The following DLGAP1 variants were observed in gnomAD, a reference collection of about 807,000 sequenced individuals.
The protein encoded by DLGAP1 is disks large-associated protein 1.
In DLGAP1, 11 loss-of-function variants were observed where a neutral mutation model predicts 90.8. The ratio of observed to expected loss-of-function variants is 0.12; its 90% CI spans 0.08 to 0.20. The LOEUF is 0.20. Ranked by LOEUF, DLGAP1 falls within the 10% of genes least tolerant of loss-of-function variation. DLGAP1 has a pLI of 1.00. For missense variants in DLGAP1, 1,050 were observed against 1,333.8 expected, an observed-to-expected ratio of 0.79 and a Z score of 3.31; for synonymous variants, 558 against 540.7, an observed-to-expected ratio of 1.03 and a Z score of -0.44.
chr18:3,684,270 G>C (rs2060623735), intron 7 of DLGAP1, among the ~76,000 whole-genome samples: 2 of 151,458 alleles, frequency 1.3e-5, no homozygotes, highest in Non-Finnish European at 2.9e-5. Context: ...GCTCACTGCA[G>C]CCTCATCCTC....
At chr18:3,596,695 T>C in intron 7 of DLGAP1, 1 of 408,186 alleles carries the variant, frequency 2.4e-6, no homozygotes, top group Non-Finnish European at 4.8e-6. Context: ...TGATAAATGC[T>C]TGTTACATGA....
chr18:3,745,355 T>C (rs1349500374), intron 5 of DLGAP1, among the ~76,000 whole-genome samples: 1 of 152,264 alleles, frequency 6.6e-6, no homozygotes, highest in African/African-American at 2.4e-5. Flanking sequence ...ATGTGTATTA[T>C]ATTTCCACAA....
chr18:4,386,275 T>A (rs1377404482), intron 1 of DLGAP1, among the ~76,000 whole-genome samples: 1 of 152,176 alleles, frequency 6.6e-6, no homozygotes, highest in Non-Finnish European at 1.5e-5. Flanking sequence ...GAAGGCTAGA[T>A]CCTGTAATTT....
chr18:4,178,158 TCTTC>T lies in DLGAP1; in HGVS notation c.-266-26875_-266-26872del, dbSNP rs750556094. 5.3e-4 allele frequency among the ~76,000 whole-genome samples: 80 copies of T among 151,610 alleles called. 3 individuals are homozygous for T. Among genetic ancestry groups the T allele is most frequent in the Non-Finnish European group, 9.7e-4 (66 of 67,964 alleles). On this transcript the variant is annotated intron_variant, in intron 1 of 12. Coordinates refer to ENST00000315677, the MANE Select transcript of DLGAP1 (RefSeq NM_004746.4). ...TATCCCACTATAGGGTCTTACTCTC[TCTTC>T]CTTATCTCTACCTGTAGAAATCCTA...
chr18:4,065,106 C>T (rs911906666), intron 2 of DLGAP1, among the ~76,000 whole-genome samples: 66 of 151,976 alleles, frequency 4.3e-4, no homozygotes, highest in African/African-American at 1.5e-3. Flanking sequence ...GATGCAGAAA[C>T]GTCTTTTGAT....
chr18:3,541,987 G>A (rs1027801040), intron 9 of DLGAP1, among the ~76,000 whole-genome samples: 10 of 152,022 alleles, frequency 6.6e-5, no homozygotes, highest in Admixed American at 3.9e-4. Flanking sequence ...ATATGTCACC[G>A]GGGCTTTCCT....
intron 1 of DLGAP1, among the ~76,000 whole-genome samples, chr18:4,160,741 C>G (rs767853555): frequency 2.0e-5 from 3 of 152,122 alleles, no homozygotes; most frequent in Non-Finnish European, 2.9e-5. Context: ...GTCAAATGTG[C>G]AGATTTATTT....
intron 1 of DLGAP1, among the ~76,000 whole-genome samples, chr18:4,287,342 A>G (rs970984912): frequency 6.6e-5 from 10 of 152,178 alleles, no homozygotes. Flanking sequence ...TGACCCAGCA[A>G]TCCCATTACT....
At chr18:3,873,410 G>A (rs1472805136) in intron 4 of DLGAP1, among the ~76,000 whole-genome samples, 1 of 152,076 alleles carries the variant, frequency 6.6e-6, no homozygotes, top group Non-Finnish European at 1.5e-5. Flanking sequence ...GGATTATTAG[G>A]GCAATTTAAA....
intron 2 of DLGAP1, 119 bp from the exon 3 acceptor site, chr18:4,005,320 A>G (rs2074278892): frequency 6.6e-6 from 1 of 152,136 alleles, no homozygotes; most frequent in African/African-American, 2.4e-5. Context: ...TGCACATTAG[A>G]CAGACTTCTC....
At chr18:4,099,636 T>A (rs1035054416) in intron 2 of DLGAP1, among the ~76,000 whole-genome samples, 1 of 152,142 alleles carries the variant, frequency 6.6e-6, no homozygotes, top group African/African-American at 2.4e-5. Flanking sequence ...TGTTGGTGGC[T>A]GCTGATGATC....
Position 4,271,417 on chromosome 18 carries a change from A to T in DLGAP1, c.-266-120130T>A, listed in dbSNP as rs1598776324. On this transcript the variant is annotated intron_variant, in intron 1 of 12. Transcript: ENST00000315677. ...TAAGGCAATCTTAGAGAAACATATCATTTGCCTGGTATCCTTTGGGAATGA... is the reference window on the plus strand; with the variant it reads ...TAAGGCAATCTTAGAGAAACATATCTTTTGCCTGGTATCCTTTGGGAATGA... Among the ~76,000 whole-genome samples, 5 of 152,334 alleles carry T rather than the reference A, an allele frequency of 3.3e-5. No homozygotes were observed. The East Asian group carries it at 9.6e-4, about 29-fold the overall frequency.
chr18:3,530,480 G>A (rs879050129), intron 10 of DLGAP1, among the ~76,000 whole-genome samples: 26 of 152,160 alleles, frequency 1.7e-4, no homozygotes, highest in Admixed American at 1.6e-3. Flanking sequence ...CAATCAGGAA[G>A]CTAGAAGGAG....
chr18:3,695,115 T>G (rs1426320145), intron 7 of DLGAP1, among the ~76,000 whole-genome samples: 1 of 151,836 alleles, frequency 6.6e-6, no homozygotes, highest in South Asian at 2.1e-4. Context: ...AATTTTTTTC[T>G]GTATTTTTTT....
At chr18:3,645,253 TG>T (rs2059078339) in intron 7 of DLGAP1, among the ~76,000 whole-genome samples, 1 of 152,134 alleles carries the variant, frequency 6.6e-6, no homozygotes, top group Non-Finnish European at 1.5e-5. Flanking sequence ...CCACCACACC[TG>T]GCTAATTTTT....
At chr18:3,839,604 C>T (rs1374383995) in intron 4 of DLGAP1, among the ~76,000 whole-genome samples, 1 of 152,192 alleles carries the variant, frequency 6.6e-6, no homozygotes, top group African/African-American at 2.4e-5. Context: ...GCAAGCTTCA[C>T]TTCGGACCTA....
intron 1 of DLGAP1, among the ~76,000 whole-genome samples, chr18:4,313,750 T>C (rs1195487377): frequency 6.6e-6 from 1 of 152,176 alleles, no homozygotes; most frequent in Non-Finnish European, 1.5e-5. Context: ...AAAGAATAGA[T>C]AACAAGTTGA....
chr18:4,040,186 C>A (rs991227115), intron 2 of DLGAP1, among the ~76,000 whole-genome samples: 1 of 152,178 alleles, frequency 6.6e-6, no homozygotes, highest in African/African-American at 2.4e-5. Flanking sequence ...TGATCCTGGG[C>A]AAATTCCTTA....
At chr18:3,779,793 T>G (rs2065106489) in intron 5 of DLGAP1, among the ~76,000 whole-genome samples, 2 of 151,394 alleles carry the variant, frequency 1.3e-5, no homozygotes, top group Non-Finnish European at 2.9e-5. Context: ...TTCTTTCTTT[T>G]CTTTTTTTTT....
Sources: allele counts gnomAD v4.1 joint callset (sites outside exome capture counted in the v4.1 genomes callset), GRCh38; gene constraint gnomAD v4.1.1; transcripts MANE v1.5; gene names NCBI Gene and HGNC (gene_info 2026-07-23, HGNC 2026-07-21).